The following CNKSR3 variants were observed in gnomAD, a reference collection of about 807,000 sequenced individuals.
CNKSR3 encodes the protein CNKSR family member 3.
Under a neutral mutation model 67.7 loss-of-function variants are expected in CNKSR3, and 36 were observed. The observed-to-expected ratio is 0.53, with a 90% CI of 0.41 to 0.70. CNKSR3 has a LOEUF of 0.70. CNKSR3 is among the 30% of genes least tolerant of loss of function. The pLI is 0.00. For synonymous variants in CNKSR3, 281 were observed against 271.4 expected (o/e 1.04, Z -0.35); for missense variants, 630 against 695.2 (o/e 0.91, Z 1.05).
At chr6:154,466,797 T>G (rs1289310151) in intron 1 of CNKSR3, among the ~76,000 whole-genome samples, 1 of 150,806 alleles carries the variant, frequency 6.6e-6, no homozygotes, top group African/African-American at 2.4e-5. Context: ...TTTTTTTGTT[T>G]TTTTTTTTTA....
chr6:154,442,260 T>A lies in CNKSR3; in HGVS notation c.247A>T (p.Asn83Tyr), dbSNP rs748486389. The A allele has an allele frequency of 1.9e-6, 3 of 1,614,064 alleles. No individual in the cohort carries two copies. Among genetic ancestry groups the A allele is most frequent in the Non-Finnish European group, 1.7e-6 (2 of 1,179,908 alleles). The change falls in exon 3 of 13, where the codon AAC (asparagine) becomes TAC (tyrosine). Residue 83 changes from asparagine to tyrosine, a missense_variant. Physicochemically the swap from Asn to Tyr is moderately radical, Grantham distance 143. Around this residue, in one of 3 missense-constraint regions of CNKSR3, gnomAD observed 189 missense variants for 205.0 expected, o/e 0.92. Coordinates refer to ENST00000607772, the MANE Select transcript of CNKSR3 (RefSeq NM_173515.4). The part of the protein sequence containing the change: ...NYGLETDNMK[N>Y]LVLKLRASSH... ...GATGCTCTCAGTTTCAGAACCAAGTTCTTCATGTTATCAGTTTCGAGGCCA... is the reference window on the plus strand; with the variant it reads ...GATGCTCTCAGTTTCAGAACCAAGTACTTCATGTTATCAGTTTCGAGGCCA...
At chr6:154,509,576 ACCCGCCG>A (rs1204253313) in intron 1 of CNKSR3, among the ~76,000 whole-genome samples, 5 of 152,076 alleles carry the variant, frequency 3.3e-5, no homozygotes, top group African/African-American at 1.2e-4. Context: ...GGCTCGGCGG[ACCCGCCG>A]GAGTCTCCCT....
At chr6:154,506,436 A>T (rs1787105240) in intron 1 of CNKSR3, among the ~76,000 whole-genome samples, 1 of 152,228 alleles carries the variant, frequency 6.6e-6, no homozygotes, top group Non-Finnish European at 1.5e-5. Context: ...CATTTCTGGC[A>T]CCTGAGATGT....
chr6:154,444,795 C>A (rs1334134327), intron 2 of CNKSR3, among the ~76,000 whole-genome samples: 1 of 151,912 alleles, frequency 6.6e-6, no homozygotes, highest in African/African-American at 2.4e-5. Context: ...TTAGTAGAGA[C>A]GGGGTTTCAC....
intron 11 of CNKSR3, among the ~76,000 whole-genome samples, 158 bp from the exon 12 acceptor site, chr6:154,410,590 C>T (rs1261158402): frequency 2.6e-5 from 4 of 152,164 alleles, no homozygotes; most frequent in Admixed American, 2.6e-4. Flanking sequence ...CACTGTATTT[C>T]CATAGCAGGA....
At chr6:154,463,829 G>A (rs545177599) in intron 1 of CNKSR3, among the ~76,000 whole-genome samples, 1 of 152,236 alleles carries the variant, frequency 6.6e-6, no homozygotes, top group African/African-American at 2.4e-5. Flanking sequence ...TAAAATGCAG[G>A]AGCTGGGAAG....
chr6:154,489,562 A>T (rs1486411071), intron 1 of CNKSR3, among the ~76,000 whole-genome samples: 1 of 151,916 alleles, frequency 6.6e-6, no homozygotes, highest in Non-Finnish European at 1.5e-5. Context: ...AAACAAACAA[A>T]GTCACTCTAT....
At chr6:154,431,626 C>T (rs1785371045) in intron 5 of CNKSR3, among the ~76,000 whole-genome samples, 1 of 151,846 alleles carries the variant, frequency 6.6e-6, no homozygotes, top group Non-Finnish European at 1.5e-5. Flanking sequence ...TTTCAGTGTC[C>T]TAAATATCCC....
At chr6:154,441,470 T>TA (rs1785585612) in intron 3 of CNKSR3, 91 bp from the exon 4 acceptor site, 4 of 884,636 alleles carry the variant, frequency 4.5e-6, no homozygotes, top group Non-Finnish European at 7.4e-6. Flanking sequence ...CCCCATGGGC[T>TA]ACTCTAAATT....
chr6:154,450,082 T>C lies in CNKSR3; in HGVS notation c.216+13A>G. On this transcript the variant is annotated intron_variant, in intron 2 of 12. Transcript: ENST00000607772. ...ACGTCATCACGGTACAGACCGTCTT[T>C]TCCTGAACTAACCAGTGCACAGAGA... 6.2e-7 allele frequency: 1 copy of C among 1,612,928 alleles called. No homozygotes were observed. Among genetic ancestry groups the C allele is most frequent in the Non-Finnish European group, 8.5e-7 (1 of 1,179,498 alleles).
At chr6:154,435,554 C>T (rs1785453369) in intron 4 of CNKSR3, among the ~76,000 whole-genome samples, 1 of 152,184 alleles carries the variant, frequency 6.6e-6, no homozygotes, top group Non-Finnish European at 1.5e-5. Flanking sequence ...TGAAAGGACT[C>T]CCTCTCACCT....
At position 154,442,122 on chromosome 6, in the gene CNKSR3, C is replaced by G. The variant is rs752690107; in HGVS notation, c.385G>C (p.Gly129Arg). 4 of 1,611,844 alleles carry G rather than the reference C, an allele frequency of 2.5e-6. No individual in the cohort carries two copies. The highest frequency in any genetic ancestry group is 1.7e-5 in the Admixed American group (1 of 59,968). ...EFLTSVVELI[G>R]AAKALLAWLD... ...CACGCCAGCAGGGCCTTGGCGGCGC[C>G]GATGAGCTCCACCACCGAGGTCAGG... The change falls in exon 3 of 13, where the codon GGC becomes CGC. Residue 129 changes from glycine (G) to arginine (R), a missense_variant. Gly to Arg is a moderately radical substitution (Grantham distance 125). Coordinates refer to ENST00000607772, the MANE Select transcript of CNKSR3 (RefSeq NM_173515.4).
intron 1 of CNKSR3, among the ~76,000 whole-genome samples, chr6:154,468,750 A>C (rs1359714763): frequency 2.0e-5 from 3 of 152,168 alleles, no homozygotes. Context: ...GAAAAATTCA[A>C]ATATAGCGGA....
At chr6:154,431,010 T>G (rs1170550103) in intron 5 of CNKSR3, among the ~76,000 whole-genome samples, 1 of 152,132 alleles carries the variant, frequency 6.6e-6, no homozygotes, top group East Asian at 1.9e-4. Context: ...CTTTACTTTT[T>G]TAAGCTGTTT....
intron 1 of CNKSR3, among the ~76,000 whole-genome samples, chr6:154,462,961 A>G (rs1351259790): frequency 6.6e-6 from 1 of 152,204 alleles, no homozygotes; most frequent in Non-Finnish European, 1.5e-5. Context: ...ATGAAAGAGA[A>G]AAAAAGGAAG....
chr6:154,494,751 G>A (rs754729233), intron 1 of CNKSR3, among the ~76,000 whole-genome samples: 4 of 151,940 alleles, frequency 2.6e-5, no homozygotes, highest in South Asian at 2.1e-4. Context: ...ACACACCCCC[G>A]TTCCTCCCCT....
At chr6:154,429,090 C>T (rs1177410627) in intron 6 of CNKSR3, among the ~76,000 whole-genome samples, 2 of 152,212 alleles carry the variant, frequency 1.3e-5, no homozygotes, top group East Asian at 1.9e-4. Flanking sequence ...CTGAGTGATA[C>T]ACCGAATGTA....
chr6:154,421,578 C>T (rs146146854), intron 9 of CNKSR3, among the ~76,000 whole-genome samples: 144 of 152,246 alleles, frequency 9.5e-4, no homozygotes, highest in Non-Finnish European at 1.6e-3. Context: ...GTGTGATCCA[C>T]CCAGGTGTCG....
intron 1 of CNKSR3, among the ~76,000 whole-genome samples, chr6:154,501,052 C>T (rs546273615): frequency 1.1e-4 from 16 of 152,312 alleles, no homozygotes; most frequent in Non-Finnish European, 2.9e-5. Context: ...AAATGACCAT[C>T]ATACTTGGCC....
Sources: allele counts gnomAD v4.1 joint callset (sites outside exome capture counted in the v4.1 genomes callset), GRCh38; gene constraint gnomAD v4.1.1; regional missense constraint gnomAD v4.1.1; transcripts MANE v1.5; gene names NCBI Gene and HGNC (gene_info 2026-07-23, HGNC 2026-07-21).